SLCO1B3: variants seen among roughly 807,000 people sequenced by gnomAD.
SLCO1B3 encodes the protein liver-specific organic anion transporter 2.
In SLCO1B3, 72 loss-of-function variants were observed where a neutral mutation model predicts 71.8. The ratio of observed to expected loss-of-function variants is 1.00; its 90% CI spans 0.83 to 1.22. The LOEUF is 1.22. Among genes scored for constraint, SLCO1B3 ranks in the 50% most tolerant of loss-of-function variants. The probability of loss-of-function intolerance (pLI) is 0.00; values close to 1 mark genes in which losing one functional copy is unlikely to be tolerated. For missense variants in SLCO1B3, 911 were observed against 819.7 expected (o/e 1.11, Z -1.36); for synonymous variants, 298 against 278.4 (o/e 1.07, Z -0.70).
At chr12:20,811,905 A>ATGTTTTT (rs1864115641) in intron 1 of SLCO1B3, among the ~76,000 whole-genome samples, 1 of 114,856 alleles carries the variant, frequency 8.7e-6, no homozygotes. Context: ...TACTTGATAC[A>ATGTTTTT]TTTTTTTTTT....
chr12:20,849,025 G>A (rs759253986), intron 3 of SLCO1B3, among the ~76,000 whole-genome samples: 9 of 152,066 alleles, frequency 5.9e-5, no homozygotes, highest in Non-Finnish European at 1.2e-4. Flanking sequence ...CACACCAATA[G>A]AAGGTAAACA....
intron 3 of SLCO1B3, among the ~76,000 whole-genome samples, chr12:20,833,784 C>G (rs1565582167): frequency 1.4e-5 from 2 of 147,020 alleles, no homozygotes; most frequent in African/African-American, 2.5e-5. Context: ...TCATCTATCT[C>G]TCTATTTCAT....
chr12:20,812,661 G>A (rs1328780451), intron 1 of SLCO1B3, among the ~76,000 whole-genome samples: 1 of 152,204 alleles, frequency 6.6e-6, no homozygotes, highest in East Asian at 1.9e-4. Flanking sequence ...TTTGTTGTAA[G>A]AGGGATCTTT....
At chr12:20,812,547 TTCCATACA>T (rs1160291833) in intron 1 of SLCO1B3, among the ~76,000 whole-genome samples, 2 of 152,174 alleles carry the variant, frequency 1.3e-5, no homozygotes, top group Non-Finnish European at 2.9e-5. Flanking sequence ...GGGACAGTGG[TTCCATACA>T]TCTGCAAGTG....
chr12:20,883,279 A>G, intron 12 of SLCO1B3, 139 bp from the exon 13 acceptor site: 3 of 491,806 alleles, frequency 6.1e-6, no homozygotes, highest in Non-Finnish European at 1.0e-5. Flanking sequence ...TGCCTTCACT[A>G]TTAAGCAACT....
chr12:20,846,693 G>T (rs1316798658), intron 3 of SLCO1B3, among the ~76,000 whole-genome samples: 1 of 152,130 alleles, frequency 6.6e-6, no homozygotes, highest in Non-Finnish European at 1.5e-5. Context: ...TCATGCAGGT[G>T]TAGTCAAGTC....
rs1864143581 is a variant in SLCO1B3, at chr12:20,813,639, G to A, written c.-66+1G>A. 6.6e-6 allele frequency: 1 copy of A among 152,172 alleles called. No homozygotes were observed. The highest frequency in any genetic ancestry group is 1.5e-5 in the Non-Finnish European group (1 of 68,020). 9.4% of individuals were successfully genotyped at this position (152,172 alleles called of 1,614,324 possible). A position where few individuals can be genotyped will look rare whatever the true frequency, so the allele number is the denominator to read the frequency against. Reference sequence around the variant, plus strand: ...CTGACAGAAGAGGTACATATGCTATGTAAGTTTCCCTCAGGCATGAACTAC... The same window carrying A: ...CTGACAGAAGAGGTACATATGCTATATAAGTTTCCCTCAGGCATGAACTAC... On this transcript the variant is annotated splice_donor_variant, in intron 2 of 15. Transcript: ENST00000381545. LOFTEE classifies it low-confidence loss of function (5UTR_SPLICE).
At chr12:20,858,623 C>A (rs1028685901) in intron 5 of SLCO1B3, 52 bp downstream of exon 5, 2 of 1,522,440 alleles carry the variant, frequency 1.3e-6, no homozygotes, top group Non-Finnish European at 1.8e-6. Context: ...TGTAAATTAG[C>A]AGTAGAATTT....
chr12:20,876,220 CT>C (rs1865575717), intron 9 of SLCO1B3, among the ~76,000 whole-genome samples: 1 of 151,980 alleles, frequency 6.6e-6, no homozygotes. Context: ...AGTGGTGCCT[CT>C]GTCCAATATA....
intron 3 of SLCO1B3, chr12:20,844,947 T>C: frequency 5.0e-6 from 1 of 201,156 alleles, no homozygotes; most frequent in Non-Finnish European, 1.0e-5. Context: ...GGAGAATTGC[T>C]TGAACCCGGG....
chr12:20,862,510 T>A lies in SLCO1B3; in HGVS notation c.580T>A (p.Ser194Thr). ...GETPIVPLGI[S>T]YIDDFAKEGH... ...AACCCCCATAGTACCATTGGGGATTTCATACATTGATGATTTTGCAAAAGA... is the reference window on the plus strand; with the variant it reads ...AACCCCCATAGTACCATTGGGGATTACATACATTGATGATTTTGCAAAAGA... Residue 194 changes from serine to threonine, a missense_variant, in exon 7 of 16, where the codon TCA (serine) becomes ACA (threonine). By Grantham distance (58) the Ser-to-Thr change is moderately conservative. Coordinates refer to ENST00000381545, the MANE Select transcript of SLCO1B3 (RefSeq NM_019844.4). 6.2e-7 allele frequency: 1 copy of A among 1,612,336 alleles called. No homozygotes were observed.
Position 20,901,387 on chromosome 12 carries a change from T to C in SLCO1B3, c.1785T>C (p.Ile595=). ...ILAPIYFGAL[I]DKTCMKWSTN... The stretch of plus-strand genomic sequence containing the variant: ...CTCCAATATATTTTGGGGCTCTGAT[T>C]GATAAAACATGTATGAAGTGGTCCA... Residue 595 remains isoleucine (I), a synonymous_variant, in exon 15 of 16, where the codon ATT becomes ATC. Coordinates refer to ENST00000381545, the MANE Select transcript of SLCO1B3 (RefSeq NM_019844.4). 6.3e-7 allele frequency: 1 copy of C among 1,592,118 alleles called. No homozygotes were observed. Among genetic ancestry groups the C allele is most frequent in the Admixed American group, 1.8e-5 (1 of 56,012 alleles).
At chr12:20,900,094 C>T (rs907706793) in intron 14 of SLCO1B3, among the ~76,000 whole-genome samples, 5 of 152,026 alleles carry the variant, frequency 3.3e-5, no homozygotes, top group South Asian at 2.1e-4. Flanking sequence ...AGTGGCATAA[C>T]GTGAAGAAAA....
At chr12:20,873,527 G>A (rs1055478210) in intron 8 of SLCO1B3, among the ~76,000 whole-genome samples, 2 of 152,166 alleles carry the variant, frequency 1.3e-5, no homozygotes, top group African/African-American at 4.8e-5. Context: ...CTATTGGGTA[G>A]CACTTGGAAA....
Position 20,902,593 on chromosome 12 carries a change from T to C in SLCO1B3, c.1865+1126T>C, listed in dbSNP as rs147133300. Among the ~76,000 whole-genome samples, 287 of 152,208 alleles carry C rather than the reference T, an allele frequency of 1.9e-3. 1 individual carries two copies. Among genetic ancestry groups the C allele is most frequent in the African/African-American group, 6.5e-3 (269 of 41,538 alleles). On this transcript the variant is annotated intron_variant, in intron 15 of 15. Coordinates refer to ENST00000381545, the MANE Select transcript of SLCO1B3 (RefSeq NM_019844.4). ...AGGAGGGTGAAGAAACAAAACTACC[T>C]GTAAGTGACTATGCTTATTTAAAAA...
chr12:20,896,573 C>T (rs1239799636), intron 13 of SLCO1B3, among the ~76,000 whole-genome samples: 1 of 152,146 alleles, frequency 6.6e-6, no homozygotes, highest in Non-Finnish European at 1.5e-5. Flanking sequence ...CCTTATTGTC[C>T]ATATCACTAT....
At chr12:20,875,199 G>T in intron 8 of SLCO1B3, 36 bp from the exon 9 acceptor site, 1 of 1,609,822 alleles carries the variant, frequency 6.2e-7, no homozygotes, top group Middle Eastern at 1.7e-4. Flanking sequence ...ATTTCAAAAC[G>T]ATTTTTGACT....
chr12:20,845,209 C>T (rs900194212), intron 3 of SLCO1B3: 3 of 465,820 alleles, frequency 6.4e-6, no homozygotes, highest in South Asian at 1.7e-5. Flanking sequence ...CAGATCTACA[C>T]ATACTGTTAA....
At chr12:20,886,787 A>G (rs1865799833) in intron 13 of SLCO1B3, among the ~76,000 whole-genome samples, 1 of 151,930 alleles carries the variant, frequency 6.6e-6, no homozygotes, top group Non-Finnish European at 1.5e-5. Context: ...GTGCAGTGGT[A>G]AAGTCTGGGG....
Sources: gnomAD v4.1 joint callset for allele counts (sites outside exome capture counted in the v4.1 genomes callset) on GRCh38, gnomAD v4.1.1 for gene constraint, MANE v1.5 for transcripts, NCBI Gene and HGNC (gene_info 2026-07-23, HGNC 2026-07-21) for gene names.